The following AKAP12 variants were observed in gnomAD, a reference collection of about 807,000 sequenced individuals.
The protein encoded by AKAP12 is A-kinase anchoring protein 12.
AKAP12 carries 32 observed loss-of-function variants against 79.9 expected under a neutral mutation model. The observed-to-expected ratio is 0.40, with a 90% CI of 0.30 to 0.54. AKAP12 has a LOEUF of 0.54. AKAP12 is among the 20% of genes least tolerant of loss of function. The probability of loss-of-function intolerance (pLI) is 0.48; values close to 1 mark genes in which losing one functional copy is unlikely to be tolerated. For missense variants in AKAP12, 2,074 were observed against 2,177.0 expected (o/e 0.95, Z 0.94); for synonymous variants, 808 against 857.0 (o/e 0.94, Z 1.00).
At chr6:151,298,520 G>A (rs1179927429) in intron 2 of AKAP12, among the ~76,000 whole-genome samples, 1 of 152,162 alleles carries the variant, frequency 6.6e-6, no homozygotes, top group African/African-American at 2.4e-5. Flanking sequence ...TTGGCCAGGC[G>A]AGGTGGCTCA....
chr6:151,245,981 C>T (rs1797067591), intron 2 of AKAP12, among the ~76,000 whole-genome samples: 1 of 152,172 alleles, frequency 6.6e-6, no homozygotes, highest in African/African-American at 2.4e-5. Flanking sequence ...TAAATAACTG[C>T]CCCCATTCTT....
At chr6:151,339,377 C>T (rs933320745) in intron 3 of AKAP12, among the ~76,000 whole-genome samples, 3 of 152,186 alleles carry the variant, frequency 2.0e-5, no homozygotes, top group South Asian at 2.1e-4. Context: ...AGATACCACA[C>T]ACCTATATGA....
rs536976409 is a variant in AKAP12 at position 151,318,427 on chromosome 6, G to C, written c.319+12524G>C. On this transcript the variant is annotated intron_variant, in intron 3 of 4. Coordinates refer to ENST00000402676, the MANE Select transcript of AKAP12 (RefSeq NM_005100.4). ...TATTCCCCTAATCAAGTCCATTTCT[G>C]TTGAGTATGTTCAAATACCTTAGGA... 2.2e-4 allele frequency among the ~76,000 whole-genome samples: 33 copies of C among 152,292 alleles called. No individual in the cohort carries two copies. The South Asian group carries it at 2.7e-3, about 12-fold the overall frequency.
intron 4 of AKAP12, among the ~76,000 whole-genome samples, chr6:151,354,091 GT>G (rs1248986178): frequency 7.3e-5 from 11 of 151,042 alleles, no homozygotes; most frequent in African/African-American, 2.7e-4. Context: ...ATCTTGTTGA[GT>G]TTTTTTAAAA....
intron 3 of AKAP12, chr6:151,341,701 C>T: frequency 8.0e-7 from 1 of 1,249,894 alleles, no homozygotes; most frequent in Non-Finnish European, 1.0e-6. Flanking sequence ...GTAGCACGTG[C>T]ACCCAAGCGG....
chr6:151,281,462 T>C (rs2114724764), intron 2 of AKAP12, among the ~76,000 whole-genome samples: 1 of 152,294 alleles, frequency 6.6e-6, no homozygotes, highest in African/African-American at 2.4e-5. Flanking sequence ...TATGAGCAGA[T>C]TTAGTGCCCA....
intron 3 of AKAP12, among the ~76,000 whole-genome samples, chr6:151,342,772 T>C (rs1777985573): frequency 6.6e-6 from 1 of 152,216 alleles, no homozygotes; most frequent in Non-Finnish European, 1.5e-5. Context: ...AGCTGTTCAG[T>C]AACAGCTACC....
intron 2 of AKAP12, among the ~76,000 whole-genome samples, chr6:151,293,724 A>G (rs891938552): frequency 6.6e-6 from 1 of 152,188 alleles, no homozygotes; most frequent in African/African-American, 2.4e-5. Context: ...TCTGAAGCTT[A>G]AGGAGAGAGT....
intron 2 of AKAP12, among the ~76,000 whole-genome samples, chr6:151,305,261 T>A (rs1434464895): frequency 6.6e-6 from 1 of 152,112 alleles, no homozygotes; most frequent in Non-Finnish European, 1.5e-5. Flanking sequence ...CATGACAGTT[T>A]CCACAGCTGC....
In AKAP12 at chr6:151,319,533, TATATATAGATATAG is replaced by T. The variant is rs1294351020; in HGVS notation, c.319+13638_319+13651del. Reference sequence around the variant, plus strand: ...ATAGATATATCTCTATATAGATATATATATATAGATATAGATATATATATCTATATAGAGATATA... The same window carrying T: ...ATAGATATATCTCTATATAGATATATATATATATATCTATATAGAGATATA... On this transcript the variant is annotated intron_variant, in intron 3 of 4. Transcript: ENST00000402676. 2.9e-4 allele frequency: 26 copies of T among 88,288 alleles called. No homozygotes were observed. In the East Asian group the frequency reaches 6.2e-3, roughly 21 times the overall value. The allele number at this position is 88,288 out of a possible 1,614,324, so 5.5% of individuals were successfully genotyped here.
chr6:151,252,566 AG>A (rs1425491066), intron 2 of AKAP12, among the ~76,000 whole-genome samples: 1 of 151,814 alleles, frequency 6.6e-6, no homozygotes, highest in East Asian at 1.9e-4. Flanking sequence ...GGAGAAGTGC[AG>A]GTGGAACCAA....
chr6:151,282,602 C>T (rs1776431761), intron 2 of AKAP12, among the ~76,000 whole-genome samples: 1 of 152,072 alleles, frequency 6.6e-6, no homozygotes, highest in South Asian at 2.1e-4. Context: ...AAGGTTTGCC[C>T]TTTTGGTTGC....
chr6:151,271,797 T>G (rs1776187990), intron 2 of AKAP12, among the ~76,000 whole-genome samples: 1 of 151,922 alleles, frequency 6.6e-6, no homozygotes, highest in Non-Finnish European at 1.5e-5. Context: ...GTAGCTGTGA[T>G]TACAGGCGCT....
chr6:151,281,855 A>G (rs1000057558), intron 2 of AKAP12, among the ~76,000 whole-genome samples: 8 of 151,642 alleles, frequency 5.3e-5, no homozygotes, highest in African/African-American at 1.7e-4. Context: ...CCCTTCCCCA[A>G]CACCCAGCTA....
At chr6:151,249,920 C>T (rs1181509325) in intron 2 of AKAP12, among the ~76,000 whole-genome samples, 1 of 152,152 alleles carries the variant, frequency 6.6e-6, no homozygotes, top group Non-Finnish European at 1.5e-5. Context: ...TTCATACATA[C>T]ATAAATACCA....
intron 2 of AKAP12, among the ~76,000 whole-genome samples, chr6:151,254,756 G>C (rs926161372): frequency 2.0e-5 from 3 of 152,162 alleles, no homozygotes; most frequent in Non-Finnish European, 4.4e-5. Flanking sequence ...TTGAATTTTT[G>C]TCCTAAACTG....
At position 151,348,818 on chromosome 6, in the gene AKAP12, C is replaced by T; in HGVS notation, c.427C>T (p.Pro143Ser). ...DITDDGQEET[P>S]EIIEQIPSSE... ...CACAGATGATGGGCAGGAGGAGACA[C>T]CCGAAATAATCGAACAGATTCCTTC... Residue 143 changes from proline to serine, a missense_variant, in exon 4 of 5, where the codon CCC becomes TCC. Around this residue, in one of 3 missense-constraint regions of AKAP12, gnomAD observed 1,428 missense variants for 1,451.0 expected, o/e 0.98. Transcript: ENST00000402676. The T allele has an allele frequency of 1.2e-6, 2 of 1,613,992 alleles. No individual in the cohort carries two copies. The highest frequency in any genetic ancestry group is 1.7e-6 in the Non-Finnish European group (2 of 1,180,000).
intron 3 of AKAP12, chr6:151,325,527 G>A (rs1777500197): frequency 3.0e-6 from 3 of 985,328 alleles, no homozygotes; most frequent in Non-Finnish European, 3.6e-6. Context: ...GTGACCCCCT[G>A]CTTGTGCGGC....
rs187492769 is a variant in AKAP12 at position 151,356,546 on chromosome 6, T to A, written c.*832T>A. The A allele has an allele frequency of 6.6e-6, 1 of 152,340 alleles. No homozygotes were observed. Among genetic ancestry groups the A allele is most frequent in the Non-Finnish European group, 1.5e-5 (1 of 68,034 alleles). The allele number at this position is 152,340 out of a possible 1,614,324, so 9.4% of individuals were successfully genotyped here. ...GGCAAAGTAGTGAATATGTTTTATA[T>A]GTTATGAAGAAAAGAATTGTTGTAA... On this transcript the variant is annotated 3_prime_UTR_variant, in exon 5 of 5. Coordinates refer to ENST00000402676, the MANE Select transcript of AKAP12 (RefSeq NM_005100.4).
Sources: allele counts gnomAD v4.1 joint callset (sites outside exome capture counted in the v4.1 genomes callset), GRCh38; gene constraint gnomAD v4.1.1; regional missense constraint gnomAD v4.1.1; transcripts MANE v1.5; gene names NCBI Gene and HGNC (gene_info 2026-07-23, HGNC 2026-07-21).